The following FRMPD3 variants were observed in gnomAD, a reference collection of about 807,000 sequenced individuals.
The protein encoded by FRMPD3 is FERM and PDZ domain containing 3, also known as FERM and PDZ domain-containing protein 3.
A neutral mutation model predicts 97.9 loss-of-function variants in FRMPD3; 42 were observed. The observed-to-expected ratio is 0.43, with a 90% CI of 0.34 to 0.55. The LOEUF (loss-of-function observed/expected upper bound fraction) is 0.55, where lower values mean the gene tolerates loss of function less well. FRMPD3 is among the 20% of genes least tolerant of loss of function. The probability of loss-of-function intolerance (pLI) is 0.03; values close to 1 mark genes in which losing one functional copy is unlikely to be tolerated. For synonymous variants in FRMPD3, 577 were observed against 581.1 expected (o/e 0.99, Z 0.10); for missense variants, 1,303 against 1,457.7 (o/e 0.89, Z 1.73).
At chrX:107,467,400 C>G (rs1031010212) in intron 1 of FRMPD3, among the ~76,000 whole-genome samples, 1 of 111,448 alleles carries the variant, frequency 9.0e-6, no homozygotes, top group Admixed American at 9.5e-5. Context: ...TCCATAGGCA[C>G]AGGCTCACCA....
At chrX:107,534,057 T>G (rs1278841799) in intron 4 of FRMPD3, among the ~76,000 whole-genome samples, 1 of 112,193 alleles carries the variant, frequency 8.9e-6, no homozygotes, top group East Asian at 2.8e-4. Flanking sequence ...TGTGTGACCT[T>G]GAATGAGTCA....
chrX:107,536,088 C>T (rs1923224380), intron 4 of FRMPD3, among the ~76,000 whole-genome samples: 1 of 111,678 alleles, frequency 9.0e-6, no homozygotes, highest in Admixed American at 9.5e-5. Context: ...ACTGTGGCTC[C>T]TGTCTGGAAT....
At chrX:107,521,140 C>T (rs1922494561) in intron 1 of FRMPD3, among the ~76,000 whole-genome samples, 1 of 112,001 alleles carries the variant, frequency 8.9e-6, no homozygotes, top group Non-Finnish European at 1.9e-5. Flanking sequence ...AGTTTAGAGC[C>T]CTCCCTGTTC....
intron 1 of FRMPD3, among the ~76,000 whole-genome samples, chrX:107,483,293 A>G (rs1389519010): frequency 8.9e-6 from 1 of 112,367 alleles, no homozygotes; most frequent in African/African-American, 3.2e-5. Flanking sequence ...TGATAAAGCT[A>G]TAGTGTTTGT....
chrX:107,480,915 A>G lies in FRMPD3; in HGVS notation c.-8+30910A>G, dbSNP rs949192418. Among the ~76,000 whole-genome samples, 111 of 104,598 alleles carry G rather than the reference A, an allele frequency of 1.1e-3. 2 individuals carry two copies. The highest frequency in any genetic ancestry group is 2.3e-3 in the African/African-American group (65 of 27,947). 90.8% of individuals were successfully genotyped at this position (104,598 alleles called of 115,157 possible). A position where few individuals can be genotyped will look rare whatever the true frequency, so the allele number is the denominator to read the frequency against. On this transcript the variant is annotated intron_variant, in intron 1 of 14. Coordinates refer to ENST00000683843, the MANE Select transcript of FRMPD3 (RefSeq NM_001388459.1). ...AGGAAGGAAAGAAAGAAAGAAAGAA[A>G]GAAAGAAAGAAAGAAAGAAAGAAAG...
chrX:107,555,624 A>C (rs1052064240), intron 8 of FRMPD3, among the ~76,000 whole-genome samples: 1 of 111,806 alleles, frequency 8.9e-6, no homozygotes, highest in Non-Finnish European at 1.9e-5. Context: ...ATTATCTGGG[A>C]GGTTTGGGAA....
rs141789891 is a variant in FRMPD3 at position 107,551,102 on chromosome X, C to T, written c.510+946C>T. Among the ~76,000 whole-genome samples, 1,037 of 112,100 alleles carry T rather than the reference C, an allele frequency of 9.3e-3. 6 individuals are homozygous for T. Among genetic ancestry groups the T allele is most frequent in the Non-Finnish European group, 0.015 (792 of 53,090 alleles). The stretch of plus-strand genomic sequence containing the variant: ...ACTCTTAGAGAGCTTTTGGAAGTGT[C>T]TAAGGGTGTTTTAGGTCATCCTAAT... On this transcript the variant is annotated intron_variant, in intron 6 of 14. Coordinates refer to ENST00000683843, the MANE Select transcript of FRMPD3 (RefSeq NM_001388459.1).
chrX:107,592,997 C>T (rs1923985652), intron 13 of FRMPD3, among the ~76,000 whole-genome samples: 1 of 110,022 alleles, frequency 9.1e-6, no homozygotes, highest in African/African-American at 3.3e-5. Flanking sequence ...AGGCTGGTCT[C>T]GAACTCCTGA....
intron 1 of FRMPD3, among the ~76,000 whole-genome samples, chrX:107,517,433 G>A (rs910145909): frequency 3.6e-5 from 4 of 111,750 alleles, no homozygotes; most frequent in East Asian, 5.6e-4. Flanking sequence ...GAGAGAGGGC[G>A]AGTGATGAAA....
rs756413010 is a variant in FRMPD3 at position 107,550,448 on chromosome X, G to A, written c.510+292G>A. The stretch of plus-strand genomic sequence containing the variant: ...ACATGGGGTCCTTCAGGACTTTTAA[G>A]AACTAAAGAATATGAAGATCATTAA... On this transcript the variant is annotated intron_variant, in intron 6 of 14. Coordinates refer to ENST00000683843, the MANE Select transcript of FRMPD3 (RefSeq NM_001388459.1). 7.6e-4 allele frequency among the ~76,000 whole-genome samples: 85 copies of A among 112,348 alleles called. 1 individual carries two copies. Among genetic ancestry groups the A allele is most frequent in the African/African-American group, 2.6e-3 (80 of 30,969 alleles).
At chrX:107,461,129 CT>C (rs1453744003) in intron 1 of FRMPD3, among the ~76,000 whole-genome samples, 6 of 112,126 alleles carry the variant, frequency 5.4e-5, no homozygotes, top group African/African-American at 1.9e-4. Context: ...ATAGCTTGTC[CT>C]GCTTTGGAAA....
chrX:107,469,343 G>C (rs1445561929), intron 1 of FRMPD3, among the ~76,000 whole-genome samples: 2 of 111,488 alleles, frequency 1.8e-5, no homozygotes, highest in Non-Finnish European at 3.8e-5. Flanking sequence ...GGCAAAGATG[G>C]CTTAAAATGG....
At chrX:107,532,650 C>T (rs958282753) in intron 3 of FRMPD3, among the ~76,000 whole-genome samples, 1 of 112,208 alleles carries the variant, frequency 8.9e-6, no homozygotes, top group African/African-American at 3.2e-5. Context: ...ATTTGCCTCA[C>T]CAAATGTGGG....
intron 1 of FRMPD3, among the ~76,000 whole-genome samples, chrX:107,482,240 A>G (rs1304332223): frequency 9.0e-6 from 1 of 111,542 alleles, no homozygotes; most frequent in Non-Finnish European, 1.9e-5. Context: ...GCCAAGCTCC[A>G]GTAGGTCCTC....
chrX:107,523,966 C>T (rs1922598623), intron 1 of FRMPD3, among the ~76,000 whole-genome samples: 1 of 112,013 alleles, frequency 8.9e-6, no homozygotes, highest in Admixed American at 9.4e-5. Context: ...GACAGTATCC[C>T]AAGTGCTTCT....
In FRMPD3 at chrX:107,603,521, T is replaced by C; in HGVS notation, c.*148T>C. On this transcript the variant is annotated 3_prime_UTR_variant, in exon 15 of 15. Coordinates refer to ENST00000683843, the MANE Select transcript of FRMPD3 (RefSeq NM_001388459.1). ...AGTCTCCGGGGAGTGGAAACTCTCT[T>C]GATTGAGGCTCTCTCTTAAGGGCTG... The C allele has an allele frequency of 1.9e-6, 2 of 1,053,290 alleles. No homozygotes were observed. Among genetic ancestry groups the C allele is most frequent in the Non-Finnish European group, 2.5e-6 (2 of 808,609 alleles). The allele number at this position is 1,053,290 out of a possible 1,213,427, so 86.8% of individuals were successfully genotyped here.
chrX:107,503,138 C>T (rs1384450747), intron 1 of FRMPD3, among the ~76,000 whole-genome samples: 1 of 111,452 alleles, frequency 9.0e-6, no homozygotes, highest in Non-Finnish European at 1.9e-5. Flanking sequence ...AACGAATTCT[C>T]CCTTTGCTCT....
intron 1 of FRMPD3, among the ~76,000 whole-genome samples, chrX:107,469,692 A>G (rs1481169009): frequency 8.9e-6 from 1 of 112,202 alleles, no homozygotes; most frequent in Non-Finnish European, 1.9e-5. Context: ...AAGTTGCTTA[A>G]CTCCTCTGTG....
At chrX:107,588,698 C>T (rs976210267) in intron 13 of FRMPD3, among the ~76,000 whole-genome samples, 3 of 112,187 alleles carry the variant, frequency 2.7e-5, no homozygotes, top group African/African-American at 9.7e-5. Context: ...TTCTCCCTGT[C>T]TCCTTGCAGT....
Sources: gnomAD v4.1 joint callset for allele counts (sites outside exome capture counted in the v4.1 genomes callset) on GRCh38, gnomAD v4.1.1 for gene constraint, MANE v1.5 for transcripts, NCBI Gene and HGNC (gene_info 2026-07-23, HGNC 2026-07-21) for gene names.